PCDH11X: variants seen among roughly 807,000 people sequenced by gnomAD.
PCDH11X encodes the protein protocadherin-11 X-linked.
A neutral mutation model predicts 53.3 loss-of-function variants in PCDH11X; 18 were observed. That is an observed-to-expected ratio of 0.34 (90% confidence interval 0.23 to 0.50). The LOEUF (loss-of-function observed/expected upper bound fraction) is 0.50, where lower values mean the gene tolerates loss of function less well. PCDH11X is among the 20% of genes least tolerant of loss of function. PCDH11X has a pLI of 0.98. For missense variants in PCDH11X, 570 were observed against 1,032.4 expected, an observed-to-expected ratio of 0.55 and a Z score of 6.14; for synonymous variants, 279 against 393.3, an observed-to-expected ratio of 0.71 and a Z score of 3.44.
intron 10 of PCDH11X, among the ~76,000 whole-genome samples, chrX:92,471,105 C>CTT (rs201259460): frequency 1.1e-5 from 1 of 95,143 alleles, no homozygotes; most frequent in African/African-American, 3.9e-5. Flanking sequence ...TATATTTTTT[C>CTT]TTTTTTTTTT....
At chrX:92,098,638 T>C (rs1477090342) in intron 6 of PCDH11X, among the ~76,000 whole-genome samples, 1 of 49,867 alleles carries the variant, frequency 2.0e-5, no homozygotes, top group Non-Finnish European at 3.1e-5. Context: ...CAAATGCTCT[T>C]TTTTTTTTTT....
chrX:92,133,641 C>A (rs1455857572), intron 6 of PCDH11X, among the ~76,000 whole-genome samples: 1 of 112,519 alleles, frequency 8.9e-6, no homozygotes, highest in Non-Finnish European at 1.9e-5. Context: ...GCTGTGATTA[C>A]AGGCGTGAGC....
rs189310224 is a variant in PCDH11X at position 92,263,968 on chromosome X, G to C, written c.3144+825G>C. Reference sequence around the variant, plus strand: ...TTCCCTTAAATTTCTGACAGAAGACGTTTTGAATATTAAATTCAGTAAGCC... The same window carrying C: ...TTCCCTTAAATTTCTGACAGAAGACCTTTTGAATATTAAATTCAGTAAGCC... On this transcript the variant is annotated intron_variant, in intron 8 of 10. Transcript: ENST00000682573. Among the ~76,000 whole-genome samples, 5 of 111,958 alleles carry C rather than the reference G, an allele frequency of 4.5e-5. No homozygotes were observed. The Admixed American group carries it at 4.8e-4, about 11-fold the overall frequency.
chrX:92,587,390 T>G (rs977876776), intron 10 of PCDH11X, among the ~76,000 whole-genome samples: 11 of 111,643 alleles, frequency 9.9e-5, no homozygotes, highest in African/African-American at 2.9e-4. Flanking sequence ...TAATCATGTC[T>G]GTGAACTTGA....
intron 6 of PCDH11X, among the ~76,000 whole-genome samples, chrX:92,081,504 G>A (rs2063856510): frequency 9.1e-6 from 1 of 110,429 alleles, no homozygotes; most frequent in East Asian, 2.9e-4. Flanking sequence ...GATCAATTAA[G>A]CACTTACTAT....
At chrX:92,380,362 A>T (rs903817915) in intron 8 of PCDH11X, among the ~76,000 whole-genome samples, 1 of 111,691 alleles carries the variant, frequency 9.0e-6, no homozygotes, top group Non-Finnish European at 1.9e-5. Context: ...GCTGGTAGTG[A>T]GACCTGAGTG....
At chrX:91,874,159 T>A (rs1939472181) in intron 5 of PCDH11X, among the ~76,000 whole-genome samples, 1 of 111,016 alleles carries the variant, frequency 9.0e-6, no homozygotes, top group African/African-American at 3.3e-5. Context: ...TAAATAGACA[T>A]TTTGGATTTG....
intron 9 of PCDH11X, among the ~76,000 whole-genome samples, chrX:92,429,649 G>T (rs941495933): frequency 9.4e-6 from 1 of 106,246 alleles, no homozygotes; most frequent in African/African-American, 3.4e-5. Flanking sequence ...TGCTCCTATG[G>T]GGGATGTATA....
rs531665375 is a variant in PCDH11X at position 92,470,596 on chromosome X, G to A, written c.3367+2274G>A. ...TACTAGCTGTAGGTCTGTTGTATAC[G>A]CCCTTTATTATATTGAGGTATGTTC... On this transcript the variant is annotated intron_variant, in intron 10 of 10. Coordinates refer to ENST00000682573, the MANE Select transcript of PCDH11X (RefSeq NM_032968.5). Among the ~76,000 whole-genome samples, 16 of 110,828 alleles carry A rather than the reference G, an allele frequency of 1.4e-4. No homozygotes were observed. In the South Asian group the frequency reaches 2.6e-3, roughly 18 times the overall value.
chrX:92,194,572 G>A (rs997906142), intron 6 of PCDH11X, among the ~76,000 whole-genome samples: 13 of 111,000 alleles, frequency 1.2e-4, no homozygotes, highest in Admixed American at 8.7e-4. Flanking sequence ...TTAAAGTTTA[G>A]TAAACTTAAA....
chrX:91,798,531 G>A (rs975513949), intron 1 of PCDH11X, among the ~76,000 whole-genome samples: 3 of 109,126 alleles, frequency 2.7e-5, no homozygotes, highest in Non-Finnish European at 5.7e-5. Flanking sequence ...AGAGGTTGCA[G>A]TGAGCCGAGA....
intron 6 of PCDH11X, among the ~76,000 whole-genome samples, chrX:92,024,718 C>CA (rs199917287): frequency 0.034 from 1,828 of 54,483 alleles, 29 homozygotes; most frequent in Non-Finnish European, 0.048. Flanking sequence ...CAATCCTAAG[C>CA]AAAAAAAAAA....
At chrX:92,267,773 C>T (rs1316126176) in intron 8 of PCDH11X, among the ~76,000 whole-genome samples, 2 of 112,482 alleles carry the variant, frequency 1.8e-5, no homozygotes, top group East Asian at 5.6e-4. Context: ...GTATTTCTTA[C>T]AGTGCTGGAG....
intron 7 of PCDH11X, among the ~76,000 whole-genome samples, chrX:92,208,543 T>A (rs950907239): frequency 1.1e-3 from 27 of 24,891 alleles, no homozygotes; most frequent in Non-Finnish European, 1.5e-3. Flanking sequence ...ATATACAATT[T>A]TTTTTAAAGG....
chrX:91,872,356 A>G (rs1939367077), intron 5 of PCDH11X, among the ~76,000 whole-genome samples: 1 of 109,039 alleles, frequency 9.2e-6, no homozygotes, highest in Admixed American at 9.8e-5. Flanking sequence ...GTCAACAATT[A>G]TAGAGTATTC....
At chrX:91,854,095 T>C (rs1476920711) in intron 5 of PCDH11X, among the ~76,000 whole-genome samples, 1 of 111,277 alleles carries the variant, frequency 9.0e-6, no homozygotes, top group Admixed American at 9.6e-5. Context: ...TAGCAAACGC[T>C]AGGTCTTATT....
chrX:92,546,052 T>G (rs1282727785), intron 10 of PCDH11X, among the ~76,000 whole-genome samples: 2 of 104,917 alleles, frequency 1.9e-5, no homozygotes, highest in East Asian at 5.6e-4. Flanking sequence ...CGATTTAATG[T>G]ACTATGTGGT....
At position 92,590,631 on chromosome X, in the gene PCDH11X, A is replaced by T. The variant is rs1447914644; in HGVS notation, c.3368-27633A>T. Among the ~76,000 whole-genome samples the T allele has an allele frequency of 1.2e-4, 13 of 111,599 alleles. No homozygotes were observed. The Admixed American group carries it at 1.2e-3, about 11-fold the overall frequency. The stretch of plus-strand genomic sequence containing the variant: ...GATGCACTGTAGCCCTGTCACAGGG[A>T]CTGGCCCTATCACAGGGATTTTCAG... On this transcript the variant is annotated intron_variant, in intron 10 of 10. Coordinates refer to ENST00000682573, the MANE Select transcript of PCDH11X (RefSeq NM_032968.5).
chrX:92,535,055 C>T (rs2074631675), intron 10 of PCDH11X, among the ~76,000 whole-genome samples: 1 of 112,013 alleles, frequency 8.9e-6, no homozygotes, highest in African/African-American at 3.2e-5. Context: ...AGAAAAGCAA[C>T]ACTAATACAC....
Sources: gnomAD v4.1 joint callset for allele counts (sites outside exome capture counted in the v4.1 genomes callset) on GRCh38, gnomAD v4.1.1 for gene constraint, MANE v1.5 for transcripts, NCBI Gene and HGNC (gene_info 2026-07-23, HGNC 2026-07-21) for gene names.